Variants in SV2C observed in about 807,000 individuals in gnomAD.
SV2C encodes the protein synaptic vesicle glycoprotein 2C.
SV2C carries 49 observed loss-of-function variants against 79.7 expected under a neutral mutation model. The ratio of observed to expected loss-of-function variants is 0.61; its 90% confidence interval spans 0.49 to 0.78. SV2C has a LOEUF of 0.78. Ranked by LOEUF, SV2C falls within the 30% of genes least tolerant of loss-of-function variation. The pLI, the probability that SV2C is intolerant of heterozygous loss-of-function variation, is 0.00. For synonymous variants in SV2C, 334 were observed against 333.2 expected (o/e 1.00, Z -0.03); for missense variants, 833 against 912.9 (o/e 0.91, Z 1.13).
intron 4 of SV2C, among the ~76,000 whole-genome samples, chr5:76,224,863 C>A (rs1249904918): frequency 6.6e-6 from 1 of 152,152 alleles, no homozygotes; most frequent in Non-Finnish European, 1.5e-5. Flanking sequence ...TTTACATAAC[C>A]TACCATCAGA....
At chr5:76,084,424 C>A (rs1304898268) in intron 1 of SV2C, among the ~76,000 whole-genome samples, 1 of 151,766 alleles carries the variant, frequency 6.6e-6, no homozygotes, top group Non-Finnish European at 1.5e-5. Context: ...GAAGACTTTT[C>A]TCCAGAGCGT....
chr5:75,904,792 C>T, the SV2C span, among the ~76,000 whole-genome samples: 3 of 152,220 alleles, frequency 2.0e-5, no homozygotes, highest in East Asian at 5.8e-4. Flanking sequence ...TAAATCCTCA[C>T]TTAAAGTGCT....
chr5:76,205,430 C>T (rs1247702189), intron 3 of SV2C, among the ~76,000 whole-genome samples: 1 of 151,860 alleles, frequency 6.6e-6, no homozygotes, highest in Non-Finnish European at 1.5e-5. Context: ...ATTATTATTC[C>T]TTCTGTGCCT....
intron 12 of SV2C, among the ~76,000 whole-genome samples, chr5:76,320,372 T>C (rs930798669): frequency 6.6e-6 from 1 of 152,192 alleles, no homozygotes; most frequent in African/African-American, 2.4e-5. Flanking sequence ...TGGATACATG[T>C]CATTATACAT....
chr5:76,097,474 G>A (rs1320308917), intron 1 of SV2C, among the ~76,000 whole-genome samples: 1 of 152,062 alleles, frequency 6.6e-6, no homozygotes, highest in Non-Finnish European at 1.5e-5. Flanking sequence ...TGTTGCATTT[G>A]TGATTATTCT....
At chr5:76,336,103 ACCCCCCCCACCTCCCTCCCGGACGGGGCG>A (rs1561324806), downstream of SV2C, among the ~76,000 whole-genome samples, 6 of 43,454 alleles carry the variant, frequency 1.4e-4, no homozygotes, top group Non-Finnish European at 3.0e-4. Context: ...CGGGGGTCTG[ACCCCCCCCACCTCCCTCCCGGACGGGGCG>A]GCTGGCCTGG....
At chr5:76,040,278 G>A in the SV2C span, among the ~76,000 whole-genome samples, 3 of 152,136 alleles carry the variant, frequency 2.0e-5, no homozygotes, top group Non-Finnish European at 4.4e-5. Flanking sequence ...GAGATTCTTA[G>A]CAGCCAATGC....
At chr5:75,966,786 C>A in the SV2C span, among the ~76,000 whole-genome samples, 1 of 152,104 alleles carries the variant, frequency 6.6e-6, no homozygotes, top group Non-Finnish European at 1.5e-5. Context: ...TGAATTCCTC[C>A]TGAGTGAAGC....
intron 12 of SV2C, among the ~76,000 whole-genome samples, chr5:76,349,557 T>C (rs1207848829): frequency 1.3e-5 from 2 of 152,072 alleles, no homozygotes; most frequent in African/African-American, 4.8e-5. Flanking sequence ...CAAAGACATG[T>C]ATATTTTAAA....
chr5:76,043,952 G>T, the SV2C span, among the ~76,000 whole-genome samples: 1 of 151,938 alleles, frequency 6.6e-6, no homozygotes, highest in African/African-American at 2.4e-5. Context: ...GCATGTGAAG[G>T]TTTGTTATAT....
chr5:75,998,628 G>A, the SV2C span, among the ~76,000 whole-genome samples: 70,075 of 151,836 alleles, frequency 0.46, 16,983 homozygotes, highest in Middle Eastern at 0.63. Context: ...ATGTGTGAGT[G>A]TGTATGTGAG....
chr5:76,274,611 GT>G, intron 4 of SV2C, among the ~76,000 whole-genome samples: 1 of 151,242 alleles, frequency 6.6e-6, no homozygotes, highest in East Asian at 1.9e-4. Context: ...CTATACCATA[GT>G]TTATTTAACT....
chr5:76,128,472 C>T (rs1748780432), intron 1 of SV2C, among the ~76,000 whole-genome samples: 1 of 152,142 alleles, frequency 6.6e-6, no homozygotes, highest in Non-Finnish European at 1.5e-5. Context: ...AATAAGACCT[C>T]AGTGAGACCA....
chr5:76,021,802 T>C, the SV2C span, among the ~76,000 whole-genome samples: 1 of 152,182 alleles, frequency 6.6e-6, no homozygotes, highest in Non-Finnish European at 1.5e-5. Context: ...GGTTTTTTGT[T>C]TCATAATTTA....
intron 4 of SV2C, among the ~76,000 whole-genome samples, chr5:76,232,351 T>C (rs1745446250): frequency 6.6e-6 from 1 of 151,254 alleles, no homozygotes; most frequent in African/African-American, 2.4e-5. Context: ...CTTTGTCAGA[T>C]GAGTAGGTTG....
intron 12 of SV2C, among the ~76,000 whole-genome samples, chr5:76,319,167 T>C (rs902503112): frequency 6.6e-6 from 1 of 151,930 alleles, no homozygotes; most frequent in African/African-American, 2.4e-5. Flanking sequence ...TCCCAGCCCT[T>C]TGGGAGGCCG....
chr5:76,088,148 T>G (rs1277638506), intron 1 of SV2C, among the ~76,000 whole-genome samples: 3 of 152,200 alleles, frequency 2.0e-5, no homozygotes, highest in Non-Finnish European at 4.4e-5. Context: ...TCTAATATAT[T>G]AACTCCTTAT....
At chr5:76,225,141 G>T (rs1372840507) in intron 4 of SV2C, among the ~76,000 whole-genome samples, 1 of 152,316 alleles carries the variant, frequency 6.6e-6, no homozygotes, top group Non-Finnish European at 1.5e-5. Flanking sequence ...TAGAAAAATA[G>T]ATTGCTAAAT....
the SV2C span, among the ~76,000 whole-genome samples, chr5:75,898,790 G>A: frequency 6.6e-6 from 1 of 151,662 alleles, no homozygotes; most frequent in African/African-American, 2.4e-5. Flanking sequence ...TCCTGGTTTA[G>A]TCTTGGGAGG....
Sources: gnomAD v4.1 joint callset for allele counts (sites outside exome capture counted in the v4.1 genomes callset) on GRCh38, gnomAD v4.1.1 for gene constraint, MANE v1.5 for transcripts, NCBI Gene and HGNC (gene_info 2026-07-23, HGNC 2026-07-21) for gene names.